SEMA3E: variants seen among roughly 807,000 people sequenced by gnomAD.
The protein encoded by SEMA3E is semaphorin 3E.
A neutral mutation model predicts 93.6 loss-of-function variants in SEMA3E; 49 were observed. That is an observed-to-expected ratio of 0.52 (90% CI 0.42 to 0.66). The LOEUF is 0.66. SEMA3E is among the 30% of genes least tolerant of loss of function. SEMA3E has a pLI of 0.00. For synonymous variants in SEMA3E, 363 were observed against 330.7 expected, an observed-to-expected ratio of 1.10 and a Z score of -1.06; for missense variants, 906 against 964.8, an observed-to-expected ratio of 0.94 and a Z score of 0.81.
chr7:83,385,949 T>C (rs1248395400), intron 15 of SEMA3E, among the ~76,000 whole-genome samples: 2 of 152,128 alleles, frequency 1.3e-5, no homozygotes, highest in Non-Finnish European at 2.9e-5. Flanking sequence ...AAATAAAGCT[T>C]GATTATAATC....
chr7:83,421,763 C>T (rs1176684790), intron 4 of SEMA3E, among the ~76,000 whole-genome samples: 1 of 142,110 alleles, frequency 7.0e-6, no homozygotes. Flanking sequence ...TATTTAGCAC[C>T]CTTTTCTCTT....
chr7:83,517,403 GTAT>G (rs762351127), intron 1 of SEMA3E, among the ~76,000 whole-genome samples: 5 of 152,130 alleles, frequency 3.3e-5, no homozygotes, highest in African/African-American at 7.2e-5. Flanking sequence ...AGAAGAAAAG[GTAT>G]TCACATTTTG....
intron 4 of SEMA3E, among the ~76,000 whole-genome samples, chr7:83,434,439 T>C (rs1008868445): frequency 6.6e-5 from 10 of 152,230 alleles, no homozygotes; most frequent in Admixed American, 4.6e-4. Flanking sequence ...AAGCAAACTT[T>C]ATTAAATTAG....
chr7:83,515,110 T>C (rs1284955558), intron 1 of SEMA3E, among the ~76,000 whole-genome samples: 1 of 152,114 alleles, frequency 6.6e-6, no homozygotes, highest in East Asian at 1.9e-4. Context: ...AGCAACAGTA[T>C]TGGTTAGAGT....
At chr7:83,456,576 ATTTC>A (rs1463489847) in intron 4 of SEMA3E, among the ~76,000 whole-genome samples, 4 of 146,484 alleles carry the variant, frequency 2.7e-5, no homozygotes, top group Non-Finnish European at 6.0e-5. Context: ...TTTTCTCCAT[ATTTC>A]TTTAACGACT....
chr7:83,500,163 C>T (rs560236930), intron 1 of SEMA3E, among the ~76,000 whole-genome samples: 38 of 152,272 alleles, frequency 2.5e-4, no homozygotes, highest in African/African-American at 8.4e-4. Context: ...AGAGGCCGGG[C>T]GTGGCGGCTC....
intron 16 of SEMA3E, among the ~76,000 whole-genome samples, chr7:83,370,754 T>A (rs1436611278): frequency 6.6e-6 from 1 of 152,180 alleles, no homozygotes; most frequent in Non-Finnish European, 1.5e-5. Context: ...CTGTTAACCT[T>A]CATATACTTG....
intron 4 of SEMA3E, among the ~76,000 whole-genome samples, chr7:83,462,454 C>T (rs1403772134): frequency 3.3e-5 from 5 of 152,090 alleles, no homozygotes; most frequent in Non-Finnish European, 7.3e-5. Context: ...TATCTGCTTC[C>T]CTGACTATTC....
intron 1 of SEMA3E, among the ~76,000 whole-genome samples, chr7:83,560,133 A>C (rs1791997276): frequency 6.6e-6 from 1 of 152,070 alleles, no homozygotes; most frequent in African/African-American, 2.4e-5. Context: ...TATGACACTA[A>C]CACAATGGAT....
rs1004298861 is a variant in SEMA3E, at chr7:83,423,197, T to C, written c.457-4714A>G. ...ATGTAGGAGACACAAATCTGTGCAA[T>C]ACGTAAATCTACCTTAGTCTGTGAA... is the stretch of plus-strand genomic sequence containing the variant. On this transcript the variant is annotated intron_variant, in intron 4 of 16. Transcript: ENST00000643230. 2.0e-5 allele frequency among the ~76,000 whole-genome samples: 3 copies of C among 152,290 alleles called. No homozygotes were observed. In the East Asian group the frequency reaches 5.8e-4, roughly 29 times the overall value.
At chr7:83,508,486 T>C (rs1370063078) in intron 1 of SEMA3E, among the ~76,000 whole-genome samples, 1 of 152,112 alleles carries the variant, frequency 6.6e-6, no homozygotes, top group Non-Finnish European at 1.5e-5. Context: ...GGTCTCGAAC[T>C]CCCAACCTCA....
intron 4 of SEMA3E, among the ~76,000 whole-genome samples, chr7:83,424,195 T>C (rs1430732926): frequency 1.3e-5 from 2 of 152,094 alleles, no homozygotes; most frequent in Admixed American, 6.5e-5. Flanking sequence ...TAGATTGTAG[T>C]TTGGGATACT....
At chr7:83,470,090 C>T (rs1425314097) in intron 2 of SEMA3E, among the ~76,000 whole-genome samples, 1 of 152,122 alleles carries the variant, frequency 6.6e-6, no homozygotes, top group Non-Finnish European at 1.5e-5. Flanking sequence ...CTACCAGTTT[C>T]CAACTGGGTA....
chr7:83,627,008 G>A (rs1418234924), intron 1 of SEMA3E, among the ~76,000 whole-genome samples: 1 of 152,188 alleles, frequency 6.6e-6, no homozygotes, highest in Non-Finnish European at 1.5e-5. Context: ...CCATGTAGTT[G>A]TGCAGTTTTG....
chr7:83,539,779 T>C (rs189099904), intron 1 of SEMA3E, among the ~76,000 whole-genome samples: 7 of 152,254 alleles, frequency 4.6e-5, no homozygotes, highest in East Asian at 3.9e-4. Flanking sequence ...CTAATTTGCA[T>C]GTTCAATCTG....
Position 83,648,450 on chromosome 7 carries a change from G to A in SEMA3E, c.93C>T (p.Pro31=), listed in dbSNP as rs575570417. ...TACCTTTATGTGACAGGCGTAACCG[G>A]GGGTGGGTAGTATCAGCTGTATGAC... The part of the protein sequence containing the change: ...TGGHTADTTH[P]RLRLSHKELL... The change falls in exon 1 of 17, where the codon CCC becomes CCT. Residue 31 remains proline, a synonymous_variant. Coordinates refer to ENST00000643230, the MANE Select transcript of SEMA3E (RefSeq NM_012431.3). The A allele has an allele frequency of 1.9e-6, 3 of 1,612,016 alleles. No individual in the cohort carries two copies. The East Asian group carries it at 6.7e-5, about 36-fold the overall frequency.
At chr7:83,593,746 A>G (rs1461123914) in intron 1 of SEMA3E, among the ~76,000 whole-genome samples, 1 of 151,988 alleles carries the variant, frequency 6.6e-6, no homozygotes, top group Non-Finnish European at 1.5e-5. Context: ...TCCAACAAGC[A>G]GTAAGATGCC....
chr7:83,511,403 T>C (rs1414528019), intron 1 of SEMA3E, among the ~76,000 whole-genome samples: 1 of 152,134 alleles, frequency 6.6e-6, no homozygotes, highest in African/African-American at 2.4e-5. Context: ...CATTTATAGT[T>C]GCCCCAATGA....
In SEMA3E at chr7:83,476,024, C is replaced by T. The variant is rs151338887; in HGVS notation, c.277-6722G>A. ...TTCTTATTTTCTCTATCTAGGATAG[C>T]GATGATTTGTGTACTTAATTTTAGC... On this transcript the variant is annotated intron_variant, in intron 2 of 16. Transcript: ENST00000643230. 2.7e-3 allele frequency among the ~76,000 whole-genome samples: 418 copies of T among 152,202 alleles called. 3 individuals carry two copies. The highest frequency in any genetic ancestry group is 9.3e-3 in the African/African-American group (388 of 41,522).
Sources: allele counts gnomAD v4.1 joint callset (sites outside exome capture counted in the v4.1 genomes callset), GRCh38; gene constraint gnomAD v4.1.1; transcripts MANE v1.5; gene names NCBI Gene and HGNC (gene_info 2026-07-23, HGNC 2026-07-21).